ATP8B3: variants seen among roughly 807,000 people sequenced by gnomAD.
The protein encoded by ATP8B3 is phospholipid-transporting ATPase IK.
In ATP8B3, 141 loss-of-function variants were observed where a neutral mutation model predicts 140.9. That is an observed-to-expected ratio of 1.00 (90% CI 0.87 to 1.15). ATP8B3 has a LOEUF of 1.15. Among genes scored for constraint, ATP8B3 ranks in the 50% most tolerant of loss-of-function variants. The pLI, the probability that ATP8B3 is intolerant of heterozygous loss-of-function variation, is 0.00. For synonymous variants in ATP8B3, 765 were observed against 714.6 expected (o/e 1.07, Z -1.13); for missense variants, 1,874 against 1,740.6 (o/e 1.08, Z -1.36).
At chr19:1,788,482 T>C (rs907198656) in intron 24 of ATP8B3, among the ~76,000 whole-genome samples, 1 of 152,172 alleles carries the variant, frequency 6.6e-6, no homozygotes, top group Non-Finnish European at 1.5e-5. Flanking sequence ...AAACCCTGTC[T>C]CTGCTAAAAA....
At chr19:1,785,836 T>A in intron 25 of ATP8B3, 128 bp from the exon 26 acceptor site, 1 of 1,054,452 alleles carries the variant, frequency 9.5e-7, no homozygotes, top group Non-Finnish European at 1.3e-6. Flanking sequence ...TTAAGTGAGT[T>A]AAAATAAAGT....
Position 1,789,912 on chromosome 19 carries a change from A to C in ATP8B3, c.2456T>G (p.Leu819Trp). 6.2e-7 allele frequency: 1 copy of C among 1,611,630 alleles called. No individual in the cohort carries two copies. The highest frequency in any genetic ancestry group is 1.3e-5 in the African/African-American group (1 of 74,854). Residue 819 changes from leucine to tryptophan, a missense_variant, in exon 22 of 29, where the codon TTG becomes TGG. By Grantham distance (61) the Leu-to-Trp change is moderately conservative. Transcript: ENST00000310127. The stretch of plus-strand genomic sequence containing the variant: ...GACCAGGAAGTCTCCGTTAATGACC[A>C]AGGCCAGCTTGACCTGCGACAGGGA... ...RESLSQVKLA[L>W]VINGDFLDKL... is the part of the protein sequence containing the mutation.
At position 1,796,813 on chromosome 19, in the gene ATP8B3, G is replaced by A. The variant is rs771368844; in HGVS notation, c.1651C>T (p.His551Tyr). The A allele has an allele frequency of 3.1e-5, 50 of 1,612,482 alleles. No individual in the cohort carries two copies. Among genetic ancestry groups the A allele is most frequent in the Non-Finnish European group, 4.2e-5 (50 of 1,179,626 alleles). ...KLLFHNAALLHLVRTNGDEAV... is the reference protein window; with the variant it reads ...KLLFHNAALLYLVRTNGDEAV... Reference sequence around the variant, plus strand: ...TCGTCCCCGTTGGTCCGCACGAGGTGCAGCAGGGCCGCATTGTGGAAGAGC... The same window carrying A: ...TCGTCCCCGTTGGTCCGCACGAGGTACAGCAGGGCCGCATTGTGGAAGAGC... Residue 551 changes from histidine (H) to tyrosine (Y), a missense_variant, in exon 16 of 29, where the codon CAC becomes TAC. Coordinates refer to ENST00000310127, the MANE Select transcript of ATP8B3 (RefSeq NM_138813.4).
rs7252279 is a variant in ATP8B3 at position 1,806,749 on chromosome 19, C to T, written c.616-60G>A. The T allele has an allele frequency of 0.017, 25,787 of 1,526,060 alleles. 1,972 individuals are homozygous for T. The East Asian group carries it at 0.19, about 11-fold the overall frequency. The allele number at this position is 1,526,060 out of a possible 1,614,324, so 94.5% of individuals were successfully genotyped here. The stretch of plus-strand genomic sequence containing the variant: ...CAGCCTCTCCTGCCCCCGCCCAGGC[C>T]GCTGCCGCACTGCAGCCCAGCAGTG... On this transcript the variant is annotated intron_variant, in intron 6 of 28. Transcript: ENST00000310127. The surrounding 1 kb of genome is among the most constrained non-coding windows in gnomAD (Gnocchi z 5.6).
At chr19:1,785,357 C>A in intron 26 of ATP8B3, 60 bp from the exon 27 acceptor site, 3 of 1,550,460 alleles carry the variant, frequency 1.9e-6, no homozygotes, top group South Asian at 1.2e-5. Context: ...AGGACACCAG[C>A]CCCTGGGGTC....
Position 1,805,172 on chromosome 19 carries a change from G to A in ATP8B3, c.904+202C>T, listed in dbSNP as rs763918022. ...TTTATTTTTGTAGAGATGGGGTCTC[G>A]TTATGTTGTCCAGGCTGGTCTTGAA... On this transcript the variant is annotated intron_variant, in intron 10 of 28. Coordinates refer to ENST00000310127, the MANE Select transcript of ATP8B3 (RefSeq NM_138813.4). The surrounding 1 kb of genome is among the most constrained non-coding windows in gnomAD (Gnocchi z 5.2). 76 of 601,620 alleles carry A rather than the reference G, an allele frequency of 1.3e-4. No homozygotes were observed. Among genetic ancestry groups the A allele is most frequent in the Non-Finnish European group, 2.2e-4 (71 of 328,924 alleles). The allele number at this position is 601,620 out of a possible 1,614,324, so 37.3% of individuals were successfully genotyped here.
At position 1,806,264 on chromosome 19, in the gene ATP8B3, C is replaced by A. The variant is rs1206458928; in HGVS notation, c.678-95G>T. ...GCACGGGATGACGGGGGGCCCGCAGCTGCAGTCCCCACCTCCGGGCCTTTG... is the reference window on the plus strand; with the variant it reads ...GCACGGGATGACGGGGGGCCCGCAGATGCAGTCCCCACCTCCGGGCCTTTG... On this transcript the variant is annotated intron_variant, in intron 7 of 28. Transcript: ENST00000310127. This position sits in a 1 kb window ranked among gnomAD's most constrained non-coding sequence, Gnocchi z 5.6. 4 of 1,524,130 alleles carry A rather than the reference C, an allele frequency of 2.6e-6. No individual in the cohort carries two copies. The highest frequency in any genetic ancestry group is 2.6e-6 in the Non-Finnish European group (3 of 1,139,496). 94.4% of individuals were successfully genotyped at this position (1,524,130 alleles called of 1,614,324 possible).
chr19:1,789,173 C>T, intron 23 of ATP8B3, 53 bp from the exon 24 acceptor site: 2 of 1,079,736 alleles, frequency 1.9e-6, no homozygotes, highest in South Asian at 1.5e-5. Context: ...GTCCCGCCCG[C>T]CCCCCCAGAC....
chr19:1,794,942 G>A lies in ATP8B3; in HGVS notation c.2055+933C>T, dbSNP rs2068620156. Among the ~76,000 whole-genome samples, 1 of 152,224 alleles carries A rather than the reference G, an allele frequency of 6.6e-6. No homozygotes were observed. Among genetic ancestry groups the A allele is most frequent in the African/African-American group, 2.4e-5 (1 of 41,456 alleles). On this transcript the variant is annotated intron_variant, in intron 18 of 28. Transcript: ENST00000310127. The surrounding 1 kb of genome is among the most constrained non-coding windows in gnomAD (Gnocchi z 4.8). ...GCAGCTGGGCCAGCTCAACCGCACG[G>A]TCGTCTTGTGCAAATGAGAAAAATA... is the stretch of plus-strand genomic sequence containing the variant.
In ATP8B3 at chr19:1,794,146, G is replaced by C. The variant is rs768034801; in HGVS notation, c.2055+1729C>G. The stretch of plus-strand genomic sequence containing the variant: ...GCACTCAAGCGATCCTCCTGCCTCA[G>C]GCTCCCAAAGTGCTGGGACCACAGG... On this transcript the variant is annotated intron_variant, in intron 18 of 28. Coordinates refer to ENST00000310127, the MANE Select transcript of ATP8B3 (RefSeq NM_138813.4). This position sits in a 1 kb window ranked among gnomAD's most constrained non-coding sequence, Gnocchi z 4.8. 6.6e-6 allele frequency among the ~76,000 whole-genome samples: 1 copy of C among 152,196 alleles called. No individual in the cohort carries two copies. Among genetic ancestry groups the C allele is most frequent in the Non-Finnish European group, 1.5e-5 (1 of 68,036 alleles).
At position 1,791,757 on chromosome 19, in the gene ATP8B3, G is replaced by T; in HGVS notation, c.2295C>A (p.Asp765Glu). Residue 765 changes from aspartate (D) to glutamate (E), a missense_variant, in exon 20 of 29, where the codon GAC becomes GAA. Asp to Glu is a conservative substitution (Grantham distance 45). Transcript: ENST00000310127. The stretch of plus-strand genomic sequence containing the variant: ...GAGCTGCCCGGGACTCACCCTGCTT[G>T]TCCCCGGTGAGCACCCATATTTTGA... ...SNIKIWVLTG[D>E]KQETAVNIGF... The T allele has an allele frequency of 6.2e-7, 1 of 1,610,654 alleles. No individual in the cohort carries two copies. Among genetic ancestry groups the T allele is most frequent in the Non-Finnish European group, 8.5e-7 (1 of 1,179,252 alleles).
chr19:1,789,953 G>A lies in ATP8B3; in HGVS notation c.2415C>T (p.Asn805=), dbSNP rs888835098. ...GCGACAGGGACTCCCTGGTTAGAAG[G>A]TTGTTACTGTTTTCCCAGTAGGTCT... ...ILETYWENSN[N]LLTRESLSQV... Residue 805 remains asparagine (N), a synonymous_variant, in exon 22 of 29, where the codon AAC becomes AAT. Transcript: ENST00000310127. The A allele has an allele frequency of 6.2e-7, 1 of 1,612,152 alleles. No homozygotes were observed. The highest frequency in any genetic ancestry group is 8.5e-7 in the Non-Finnish European group (1 of 1,179,578).
intron 18 of ATP8B3, among the ~76,000 whole-genome samples, chr19:1,792,923 A>G (rs2068559606): frequency 8.1e-6 from 1 of 123,354 alleles, no homozygotes; most frequent in South Asian, 2.5e-4. Flanking sequence ...TCAAAAAAAA[A>G]AAAAAAGAAA....
chr19:1,804,770 C>T lies in ATP8B3; in HGVS notation c.904+604G>A, dbSNP rs375121876. 9.9e-5 allele frequency among the ~76,000 whole-genome samples: 15 copies of T among 152,246 alleles called. No homozygotes were observed. The East Asian group carries it at 2.5e-3, about 26-fold the overall frequency. On this transcript the variant is annotated intron_variant, in intron 10 of 28. Coordinates refer to ENST00000310127, the MANE Select transcript of ATP8B3 (RefSeq NM_138813.4). ...GCAGTGAGCCAAGATCGCACCACTG[C>T]ACTCCAGCCTGGGAGACAAGAGCGA...
At position 1,790,767 on chromosome 19, in the gene ATP8B3, T is replaced by G; in HGVS notation, c.2368A>C (p.Lys790Gln). The G allele has an allele frequency of 6.2e-7, 1 of 1,602,812 alleles. No individual in the cohort carries two copies. The highest frequency in any genetic ancestry group is 1.1e-5 in the South Asian group (1 of 88,994). The change falls in exon 21 of 29, where the codon AAG (lysine) becomes CAG (glutamine). Residue 790 changes from lysine (K) to glutamine (Q), a missense_variant. Lys to Gln is a moderately conservative substitution (Grantham distance 53, BLOSUM62 1). This residue lies in a region of ATP8B3 where 840 missense variants were observed against 760.9 expected (regional missense o/e 1.10). Coordinates refer to ENST00000310127, the MANE Select transcript of ATP8B3 (RefSeq NM_138813.4). ...CTCCCCACTTCTTACCTAATCTCCT[T>G]CTCCTCCAGAATGAGCATATTCTCT... ...LSENMLILEE[K>Q]EISRILETYW...
chr19:1,792,584 A>C (rs1396703101), intron 18 of ATP8B3, among the ~76,000 whole-genome samples: 2 of 149,738 alleles, frequency 1.3e-5, no homozygotes, highest in Non-Finnish European at 3.0e-5. Flanking sequence ...CATCTCAAAA[A>C]AAAAAAAAAA....
At chr19:1,811,116 C>G (rs777246359) in intron 2 of ATP8B3, among the ~76,000 whole-genome samples, 2 of 152,216 alleles carry the variant, frequency 1.3e-5, no homozygotes, top group Non-Finnish European at 2.9e-5. Flanking sequence ...GTGGCACCAG[C>G]TTAGGGGCTC....
At chr19:1,796,297 G>A (rs901221977) in intron 16 of ATP8B3, 32 bp from the exon 17 acceptor site, 17 of 1,556,566 alleles carry the variant, frequency 1.1e-5, no homozygotes, top group African/African-American at 2.7e-5. Context: ...TTGGGGTCAC[G>A]TGGTGGAGCC....
Position 1,811,652 on chromosome 19 carries a change from C to G in ATP8B3, c.85G>C (p.Gly29Arg). The G allele has an allele frequency of 1.9e-6, 3 of 1,610,976 alleles. No individual in the cohort carries two copies. The highest frequency in any genetic ancestry group is 2.5e-6 in the Non-Finnish European group (3 of 1,179,776). Residue 29 changes from glycine to arginine, a missense_variant, in exon 2 of 29, where the codon GGT becomes CGT. Gly to Arg is a moderately radical substitution (Grantham distance 125, BLOSUM62 -2). Around this residue, in one of 3 missense-constraint regions of ATP8B3, gnomAD observed 1,032 missense variants for 963.6 expected, o/e 1.07. Transcript: ENST00000310127. ...SPAPPGPGDTGDSDVTQEGSG... is the reference protein window; with the variant it reads ...SPAPPGPGDTRDSDVTQEGSG... ...CCTTCCTGAGTCACGTCTGAGTCACCCGTGTCCCCAGGTCCTGGTGGGGCA... is the reference window on the plus strand; with the variant it reads ...CCTTCCTGAGTCACGTCTGAGTCACGCGTGTCCCCAGGTCCTGGTGGGGCA...
Sources: gnomAD v4.1 joint callset for allele counts (sites outside exome capture counted in the v4.1 genomes callset) on GRCh38, gnomAD v4.1.1 for gene constraint, gnomAD v4.1.1 regional missense constraint, Gnocchi (gnomAD v3.1) non-coding constraint, MANE v1.5 for transcripts, NCBI Gene and HGNC (gene_info 2026-07-23, HGNC 2026-07-21) for gene names.